The following WDR87 variants were observed in gnomAD, a reference collection of about 807,000 sequenced individuals.
WDR87 encodes WD repeat-containing protein 87.
A neutral mutation model predicts 83.3 loss-of-function variants in WDR87; 56 were observed. The ratio of observed to expected loss-of-function variants is 0.67; its 90% CI spans 0.54 to 0.84. WDR87 has a LOEUF of 0.84. WDR87 is among the 40% of genes least tolerant of loss of function. The pLI is 0.00. For missense variants in WDR87, 2,939 were observed against 3,431.9 expected (o/e 0.86, Z 3.59); for synonymous variants, 1,173 against 1,250.6 (o/e 0.94, Z 1.31).
intron 1 of WDR87, among the ~76,000 whole-genome samples, chr19:37,902,699 TA>T (rs1427031980): frequency 6.6e-6 from 1 of 152,234 alleles, no homozygotes; most frequent in Non-Finnish European, 1.5e-5. Flanking sequence ...CAGTCCACTG[TA>T]AGGTACAGCA....
rs992755929 is a variant in WDR87, at chr19:37,888,723, G to A, written c.4948C>T (p.Gln1650Ter). The change falls in exon 6 of 6, where the codon CAG (glutamine) becomes TAG (stop). Residue 1650 changes from glutamine (Q) to a stop codon, truncating the protein, a stop_gained. Coordinates refer to ENST00000447313, the MANE Select transcript of WDR87 (RefSeq NM_001291088.2). LOFTEE classifies it low-confidence loss of function (END_TRUNC). ...GCCTGGGCCAGTTTTCTCTCTTCCT[G>A]GGCCAACTGTCTCTCTTCTTGTGCA... Reference protein sequence around the residue: ...KLAQEERQLAQEERKLAQAYV... With the variant: ...KLAQEERQLA 1.4e-5 allele frequency: 22 copies of A among 1,551,846 alleles called. No homozygotes were observed. The highest frequency in any genetic ancestry group is 1.9e-5 in the Non-Finnish European group (22 of 1,147,074).
chr19:37,906,633 C>G (rs1464016035), upstream of WDR87: 1 of 152,062 alleles, frequency 6.6e-6, no homozygotes, highest in African/African-American at 2.4e-5. Flanking sequence ...GGCCCCCAAC[C>G]CCGCAGCCGG....
At position 37,888,857 on chromosome 19, in the gene WDR87, C is replaced by G. The variant is rs2046176862; in HGVS notation, c.4814G>C (p.Arg1605Thr). The change falls in exon 6 of 6, where the codon AGA becomes ACA. Residue 1605 changes from arginine (R) to threonine (T), a missense_variant. By Grantham distance (71) the Arg-to-Thr change is moderately conservative. Transcript: ENST00000447313. ...CCATTTGTGTTCTTCTTGGATGTGTCTCTGCTCTTCTGTGACCTGCTGTTC... is the reference window on the plus strand; with the variant it reads ...CCATTTGTGTTCTTCTTGGATGTGTGTCTGCTCTTCTGTGACCTGCTGTTC... ...EKEQQVTEEQ[R>T]HIQEEHKWAR... The G allele has an allele frequency of 2.6e-6, 4 of 1,551,886 alleles. No individual in the cohort carries two copies. The highest frequency in any genetic ancestry group is 3.5e-6 in the Non-Finnish European group (4 of 1,147,062).
Position 37,897,867 on chromosome 19 carries a change from G to A in WDR87, c.75+298C>T, listed in dbSNP as rs571750392. On this transcript the variant is annotated intron_variant, in intron 2 of 5. Transcript: ENST00000447313. ...CATGCCACTGCACTCCAGCCTGGGC[G>A]ACAGAACGAGACTGTGTCTCAAAAT... Among the ~76,000 whole-genome samples the A allele has an allele frequency of 3.3e-5, 5 of 152,168 alleles. No homozygotes were observed. In the South Asian group the frequency reaches 1.0e-3, roughly 32 times the overall value.
chr19:37,888,730 C>T lies in WDR87; in HGVS notation c.4941G>A (p.Gln1647=), dbSNP rs1294695110. ...CCAGTTTTCTCTCTTCCTGGGCCAA[C>T]TGTCTCTCTTCTTGTGCAAGTTTCT... The part of the protein sequence containing the change: ...EEEKLAQEER[Q]LAQEERKLAQ... Residue 1647 remains glutamine (Q), a synonymous_variant, in exon 6 of 6, where the codon CAG becomes CAA. Transcript: ENST00000447313. 6.4e-7 allele frequency: 1 copy of T among 1,551,894 alleles called. No individual in the cohort carries two copies. Among genetic ancestry groups the T allele is most frequent in the South Asian group, 1.2e-5 (1 of 84,014 alleles).
At chr19:37,905,310 T>C (rs1284943226) in intron 1 of WDR87, among the ~76,000 whole-genome samples, 2 of 151,560 alleles carry the variant, frequency 1.3e-5, no homozygotes, top group Non-Finnish European at 2.9e-5. Context: ...ATATTTTGGA[T>C]ATATTTGGGT....
chr19:37,896,160 G>A lies in WDR87; in HGVS notation c.224C>T (p.Thr75Ile). 6.4e-7 allele frequency: 1 copy of A among 1,552,300 alleles called. No individual in the cohort carries two copies. Among genetic ancestry groups the A allele is most frequent in the African/African-American group, 1.4e-5 (1 of 73,162 alleles). The change falls in exon 3 of 6, where the codon ACA becomes ATA. Residue 75 changes from threonine to isoleucine, a missense_variant. This residue lies in a region of WDR87 where 226 missense variants were observed against 320.9 expected (regional missense o/e 0.70). Transcript: ENST00000447313. ...TACTTGTATTTCTTTTGTGTTTGAT[G>A]TCACCCAAGAGAGGGAGGCGAAGAA... ...AHFFASLSWVTSNTKEIQAVA... is the reference protein window; with the variant it reads ...AHFFASLSWVISNTKEIQAVA...
chr19:37,895,443 A>C lies in WDR87; in HGVS notation c.260T>G (p.Met87Arg), dbSNP rs2046246730. Reference protein sequence around the residue: ...NTKEIQAVAWMKSKTEDMVEK... With the variant: ...NTKEIQAVAWRKSKTEDMVEK... ...AACCATGTCCTCAGTTTTGCTCTTC[A>C]TCCATGCTACAGCCTAGAAGAGAAT... The change falls in exon 4 of 6, where the codon ATG becomes AGG. Residue 87 changes from methionine to arginine, a missense_variant. This residue lies in a region of WDR87 where 226 missense variants were observed against 320.9 expected (regional missense o/e 0.70). Coordinates refer to ENST00000447313, the MANE Select transcript of WDR87 (RefSeq NM_001291088.2). 1 of 1,551,274 alleles carries C rather than the reference A, an allele frequency of 6.4e-7. No homozygotes were observed.
chr19:37,901,037 G>A (rs1226512594), intron 1 of WDR87, among the ~76,000 whole-genome samples: 12 of 151,362 alleles, frequency 7.9e-5, no homozygotes, highest in Non-Finnish European at 5.9e-5. Flanking sequence ...TATTTGGGAG[G>A]CTGAGATGGG....
In WDR87 at chr19:37,893,349, T is replaced by C. The variant is rs1278282997; in HGVS notation, c.2354A>G (p.His785Arg). ...WMQVSKRYQC[H>R]YVLPPQLQLT... ...TTGTAGCTGGGGAGGAAGCACATAA[T>C]GGCATTGGTAACGTTTGCTCACCTG... The change falls in exon 4 of 6, where the codon CAT becomes CGT. Residue 785 changes from histidine (H) to arginine (R), a missense_variant. His to Arg is a conservative substitution (Grantham distance 29). Transcript: ENST00000447313. 1.3e-6 allele frequency: 2 copies of C among 1,551,892 alleles called. No homozygotes were observed. Among genetic ancestry groups the C allele is most frequent in the Non-Finnish European group, 8.7e-7 (1 of 1,147,002 alleles).
At chr19:37,895,738 G>GC (rs2046250080) in intron 3 of WDR87, among the ~76,000 whole-genome samples, 1 of 133,540 alleles carries the variant, frequency 7.5e-6, no homozygotes, top group Non-Finnish European at 1.5e-5. Context: ...CTGCACTCCA[G>GC]CCTGCGTGAC....
In WDR87 at chr19:37,887,025, C is replaced by G; in HGVS notation, c.6646G>C (p.Asp2216His). Residue 2216 changes from aspartate (D) to histidine (H), a missense_variant, in exon 6 of 6, where the codon GAT becomes CAT. Asp to His is a moderately conservative substitution (Grantham distance 81). Coordinates refer to ENST00000447313, the MANE Select transcript of WDR87 (RefSeq NM_001291088.2). ...LARKHSEVIL[D>H]DEEEGGIEEE... ...TCTATTCCTCCTTCCTCTTCATCAT[C>G]CAGTATGACTTCTGAATGCTTTCTG... 1.9e-6 allele frequency: 3 copies of G among 1,552,074 alleles called. No homozygotes were observed. Among genetic ancestry groups the G allele is most frequent in the Non-Finnish European group, 2.6e-6 (3 of 1,147,106 alleles).
chr19:37,888,882 C>G lies in WDR87; in HGVS notation c.4789G>C (p.Glu1597Gln). 1.3e-6 allele frequency: 2 copies of G among 1,552,028 alleles called. No individual in the cohort carries two copies. Among genetic ancestry groups the G allele is most frequent in the Non-Finnish European group, 1.7e-6 (2 of 1,147,074 alleles). ...CTCTGCTCTTCTGTGACCTGCTGTTCTTTTTCTTCCCCCTCCCGAGACACT... is the reference window on the plus strand; with the variant it reads ...CTCTGCTCTTCTGTGACCTGCTGTTGTTTTTCTTCCCCCTCCCGAGACACT... ...EEVSREGEEK[E>Q]QQVTEEQRHI... The change falls in exon 6 of 6, where the codon GAA becomes CAA. Residue 1597 changes from glutamate (E) to glutamine (Q), a missense_variant. By Grantham distance (29) the Glu-to-Gln change is conservative. Transcript: ENST00000447313.
chr19:37,887,781 T>G lies in WDR87; in HGVS notation c.5890A>C (p.Lys1964Gln). ...TCCTGGGCCAATTTCTCCTGTTTTT[T>G]GGCCAAACTATCCTCTACTTGGACC... ...KLVQVEDSLAKKQEKLAQEKM... is the reference protein window; with the variant it reads ...KLVQVEDSLAQKQEKLAQEKM... The change falls in exon 6 of 6, where the codon AAA becomes CAA. Residue 1964 changes from lysine to glutamine, a missense_variant. Coordinates refer to ENST00000447313, the MANE Select transcript of WDR87 (RefSeq NM_001291088.2). The G allele has an allele frequency of 3.2e-6, 5 of 1,552,028 alleles. No homozygotes were observed. Among genetic ancestry groups the G allele is most frequent in the Non-Finnish European group, 4.4e-6 (5 of 1,147,090 alleles).
chr19:37,884,841 A>AG lies in WDR87; in HGVS notation c.*90_*91insC, dbSNP rs1011155481. The AG allele has an allele frequency of 6.0e-5, 66 of 1,098,306 alleles. No individual in the cohort carries two copies. The highest frequency in any genetic ancestry group is 4.7e-4 in the Middle Eastern group (2 of 4,282). The allele number at this position is 1,098,306 out of a possible 1,614,324, so 68.0% of individuals were successfully genotyped here. ...GAAACACCGTCTCAAAAAAAAAAAA[A>AG]AGAGAGAGAGAGAGATGAAGGTCTA... On this transcript the variant is annotated 3_prime_UTR_variant, in exon 6 of 6. Transcript: ENST00000447313.
intron 1 of WDR87, among the ~76,000 whole-genome samples, chr19:37,900,560 C>CAAAAAAAAAAAAAA (rs58946958): frequency 1.3e-5 from 1 of 78,090 alleles, no homozygotes; most frequent in African/African-American, 5.2e-5. Context: ...GACTCCGTCT[C>CAAAAAAAAAAAAAA]AAAAAAAAAA....
At chr19:37,903,994 C>T (rs141018233) in intron 1 of WDR87, among the ~76,000 whole-genome samples, 51 of 149,584 alleles carry the variant, frequency 3.4e-4, no homozygotes, top group African/African-American at 1.1e-3. Flanking sequence ...CTACAAGCTC[C>T]GCCTCCCAGG....
At position 37,885,871 on chromosome 19, in the gene WDR87, G is replaced by A; in HGVS notation, c.7800C>T (p.Asn2600=). Residue 2600 remains asparagine, a synonymous_variant, in exon 6 of 6, where the codon AAC becomes AAT. Coordinates refer to ENST00000447313, the MANE Select transcript of WDR87 (RefSeq NM_001291088.2). ...QLLKDLASKG[N]LEWLHLAKHE... is the part of the protein sequence containing the mutation. ...GTTTGGCCAGATGCAGCCATTCTAA[G>A]TTTCCCTTTGAGGCAAGGTCTTTGA... The A allele has an allele frequency of 5.8e-6, 9 of 1,552,220 alleles. No individual in the cohort carries two copies. The highest frequency in any genetic ancestry group is 7.8e-6 in the Non-Finnish European group (9 of 1,147,122).
In WDR87 at chr19:37,893,800, A is replaced by C; in HGVS notation, c.1903T>G (p.Phe635Val). Reference sequence around the variant, plus strand: ...AGAATGCCTATGAGTCTGCCATGGAAGTCCCAGATCCGAACAGAGCCATCG... The same window carrying C: ...AGAATGCCTATGAGTCTGCCATGGACGTCCCAGATCCGAACAGAGCCATCG... ...SADGSVRIWD[F>V]HGRLIGILDS... is the part of the protein sequence containing the mutation. The change falls in exon 4 of 6, where the codon TTC (phenylalanine) becomes GTC (valine). Residue 635 changes from phenylalanine (F) to valine (V), a missense_variant. Phe to Val is a conservative substitution (Grantham distance 50). Around this residue, in one of 3 missense-constraint regions of WDR87, gnomAD observed 553 missense variants for 577.9 expected, o/e 0.96. Transcript: ENST00000447313. 2 of 1,551,728 alleles carry C rather than the reference A, an allele frequency of 1.3e-6. No homozygotes were observed. The highest frequency in any genetic ancestry group is 1.7e-6 in the Non-Finnish European group (2 of 1,147,008).
Sources: gnomAD v4.1 joint callset for allele counts (sites outside exome capture counted in the v4.1 genomes callset) on GRCh38, gnomAD v4.1.1 for gene constraint, gnomAD v4.1.1 regional missense constraint, MANE v1.5 for transcripts, NCBI Gene and HGNC (gene_info 2026-07-23, HGNC 2026-07-21) for gene names.